Variants in RHBDL3 observed in about 807,000 individuals in gnomAD.
The protein encoded by RHBDL3 is rhomboid like 3.
RHBDL3 carries 28 observed loss-of-function variants against 48.2 expected under a neutral mutation model. The ratio of observed to expected loss-of-function variants is 0.58; its 90% confidence interval spans 0.43 to 0.80. The LOEUF (loss-of-function observed/expected upper bound fraction) is 0.80, where lower values mean the gene tolerates loss of function less well. RHBDL3 is among the 30% of genes least tolerant of loss of function. The pLI, the probability that RHBDL3 is intolerant of heterozygous loss-of-function variation, is 0.00. For missense variants in RHBDL3, 464 were observed against 542.7 expected (o/e 0.85, Z 1.44); for synonymous variants, 208 against 232.3 (o/e 0.90, Z 0.95).
intron 4 of RHBDL3, 80 bp downstream of exon 4, chr17:32,289,096 C>T (rs1331969933): frequency 7.2e-6 from 8 of 1,104,068 alleles, no homozygotes; most frequent in East Asian, 2.4e-5. Flanking sequence ...GGATGACACA[C>T]AGATCATGGG....
chr17:32,306,120 AACCATTCAAG>A (rs1243695096), intron 7 of RHBDL3, among the ~76,000 whole-genome samples: 3 of 152,142 alleles, frequency 2.0e-5, no homozygotes, highest in Non-Finnish European at 2.9e-5. Context: ...ATCTCCTGAC[AACCATTCAAG>A]AGTCATTTCC....
At chr17:32,275,275 T>G (rs1319839226) in intron 2 of RHBDL3, among the ~76,000 whole-genome samples, 1 of 151,988 alleles carries the variant, frequency 6.6e-6, no homozygotes, top group Non-Finnish European at 1.5e-5. Context: ...GCCGGATGAG[T>G]CAGCATGGAT....
chr17:32,275,064 C>G (rs998118003), intron 2 of RHBDL3, among the ~76,000 whole-genome samples: 1 of 152,190 alleles, frequency 6.6e-6, no homozygotes, highest in African/African-American at 2.4e-5. Flanking sequence ...TCTCTCTCCT[C>G]TGGGGGACCA....
chr17:32,303,693 GA>G (rs2040640172), intron 6 of RHBDL3, among the ~76,000 whole-genome samples: 1 of 151,914 alleles, frequency 6.6e-6, no homozygotes, highest in Non-Finnish European at 1.5e-5. Flanking sequence ...TTGAGACCAA[GA>G]ATTGGTTGTG....
rs1381576726 is a variant in RHBDL3, at chr17:32,294,386, C to CTAA, written c.612_613insTAA (p.His204_Pro205insTer). ...ACTTGAAGAACTCCCTGGTTTACCA[C>CTAA]CCACAGCTGCGAGCACAGGTTTGGC... On this transcript the variant is annotated stop_gained and inframe_insertion, in exon 5 of 9. Coordinates refer to ENST00000269051, the MANE Select transcript of RHBDL3 (RefSeq NM_138328.3). LOFTEE classifies it high-confidence loss of function. The CTAA allele has an allele frequency of 1.9e-6, 3 of 1,614,164 alleles. No individual in the cohort carries two copies. Among genetic ancestry groups the CTAA allele is most frequent in the Non-Finnish European group, 1.7e-6 (2 of 1,180,012 alleles).
At position 32,321,024 on chromosome 17, in the gene RHBDL3, A is replaced by G. The variant is rs756339449; in HGVS notation, c.1010A>G (p.His337Arg). The G allele has an allele frequency of 6.2e-7, 1 of 1,614,070 alleles. No homozygotes were observed. The highest frequency in any genetic ancestry group is 1.1e-5 in the South Asian group (1 of 91,080). The change falls in exon 9 of 9, where the codon CAC (histidine) becomes CGC (arginine). Residue 337 changes from histidine to arginine, a missense_variant. Transcript: ENST00000269051. ...FHPSAYPPCP[H>R]PSFVAHLGGV... Reference sequence around the variant, plus strand: ...CCGTCGGCCTATCCCCCGTGCCCTCACCCAAGCTTTGTGGCGCACTTGGGT... The same window carrying G: ...CCGTCGGCCTATCCCCCGTGCCCTCGCCCAAGCTTTGTGGCGCACTTGGGT...
intron 6 of RHBDL3, among the ~76,000 whole-genome samples, chr17:32,299,827 G>A (rs1002060071): frequency 6.6e-6 from 1 of 152,152 alleles, no homozygotes; most frequent in Non-Finnish European, 1.5e-5. Flanking sequence ...GCACTGTTCT[G>A]TCTGAGTCAG....
intron 2 of RHBDL3, among the ~76,000 whole-genome samples, chr17:32,279,302 G>A (rs1201646062): frequency 1.3e-5 from 2 of 152,188 alleles, no homozygotes; most frequent in Non-Finnish European, 2.9e-5. Flanking sequence ...AGGATAGTAT[G>A]CAGAAGGCCA....
At chr17:32,280,056 A>ATTAAAGG (rs1366769907) in intron 2 of RHBDL3, among the ~76,000 whole-genome samples, 2 of 152,118 alleles carry the variant, frequency 1.3e-5, no homozygotes, top group African/African-American at 4.8e-5. Context: ...TGCTGGTGCG[A>ATTAAAGG]TTAAAGGCCG....
Position 32,265,917 on chromosome 17 carries a change from C to T in RHBDL3, c.-273C>T, listed in dbSNP as rs2039616763. Among the ~76,000 whole-genome samples the T allele has an allele frequency of 6.8e-6, 1 of 146,582 alleles. No homozygotes were observed. Among genetic ancestry groups the T allele is most frequent in the African/African-American group, 2.5e-5 (1 of 40,770 alleles). On this transcript the variant is annotated 5_prime_UTR_variant, in exon 1 of 9. Coordinates refer to ENST00000269051, the MANE Select transcript of RHBDL3 (RefSeq NM_138328.3). Reference sequence around the variant, plus strand: ...CCCAAGGGCGCCCTCGCCTCGGAGCCGGGCGCGAGGGCCGGGGCGGAGGCG... The same window carrying T: ...CCCAAGGGCGCCCTCGCCTCGGAGCTGGGCGCGAGGGCCGGGGCGGAGGCG...
Position 32,321,268 on chromosome 17 carries a change from A to G in RHBDL3, c.*39A>G. 1 of 1,613,462 alleles carries G rather than the reference A, an allele frequency of 6.2e-7. No individual in the cohort carries two copies. The highest frequency in any genetic ancestry group is 2.2e-5 in the East Asian group (1 of 44,886). On this transcript the variant is annotated 3_prime_UTR_variant, in exon 9 of 9. Transcript: ENST00000269051. ...AAGGTCGGGGAGGGGAGGGAAAAGC[A>G]GCACCCACAGGGAGCGCCTGCGAGG...
At chr17:32,281,209 G>A (rs1163052831) in intron 2 of RHBDL3, among the ~76,000 whole-genome samples, 1 of 152,142 alleles carries the variant, frequency 6.6e-6, no homozygotes, top group Non-Finnish European at 1.5e-5. Flanking sequence ...AGGCCCTGGT[G>A]GGGGTGGAGG....
chr17:32,296,001 C>A (rs929233716), intron 5 of RHBDL3, among the ~76,000 whole-genome samples: 1 of 151,884 alleles, frequency 6.6e-6, no homozygotes, highest in African/African-American at 2.4e-5. Flanking sequence ...CCAAGGCAGG[C>A]GGATCACGAG....
intron 6 of RHBDL3, among the ~76,000 whole-genome samples, chr17:32,300,503 G>A (rs1349623552): frequency 6.6e-6 from 1 of 152,156 alleles, no homozygotes; most frequent in Non-Finnish European, 1.5e-5. Context: ...GCAGTGAGCT[G>A]TGATAACACC....
chr17:32,313,547 A>G (rs1179523411), intron 7 of RHBDL3, among the ~76,000 whole-genome samples: 1 of 152,066 alleles, frequency 6.6e-6, no homozygotes, highest in Non-Finnish European at 1.5e-5. Context: ...GAAACTCTGT[A>G]CCCACTAAAC....
intron 4 of RHBDL3, among the ~76,000 whole-genome samples, chr17:32,291,573 C>T: frequency 6.9e-6 from 1 of 145,424 alleles, no homozygotes; most frequent in Non-Finnish European, 1.5e-5. Context: ...CCCAGCTACT[C>T]AGGAGGCTGA....
chr17:32,276,164 CAG>C (rs1218064056), intron 2 of RHBDL3, among the ~76,000 whole-genome samples: 16 of 151,676 alleles, frequency 1.1e-4, no homozygotes, highest in Non-Finnish European at 1.5e-5. Context: ...TTTAAAGAGT[CAG>C]GGGAAAAGGT....
chr17:32,314,769 G>A (rs950306914), intron 7 of RHBDL3, among the ~76,000 whole-genome samples: 4 of 152,194 alleles, frequency 2.6e-5, no homozygotes, highest in Admixed American at 2.6e-4. Context: ...TCTGCTAACT[G>A]AGCCAGCTCA....
intron 2 of RHBDL3, among the ~76,000 whole-genome samples, chr17:32,269,942 G>A (rs189070048): frequency 6.6e-6 from 1 of 152,002 alleles, no homozygotes. Flanking sequence ...CTATTAAATC[G>A]AATTTTTCCA....
Sources: gnomAD v4.1 joint callset for allele counts (sites outside exome capture counted in the v4.1 genomes callset) on GRCh38, gnomAD v4.1.1 for gene constraint, MANE v1.5 for transcripts, NCBI Gene and HGNC (gene_info 2026-07-23, HGNC 2026-07-21) for gene names.